The following PCDHA12 variants were observed in gnomAD, a reference collection of about 807,000 sequenced individuals.
PCDHA12 encodes protocadherin alpha 12, also known as protocadherin alpha-12.
PCDHA12 carries 44 observed loss-of-function variants against 60.0 expected under a neutral mutation model. The ratio of observed to expected loss-of-function variants is 0.73; its 90% CI spans 0.58 to 0.94. The LOEUF is 0.94. Among genes scored for constraint, PCDHA12 ranks in the 40% least tolerant of loss-of-function variants. PCDHA12 has a pLI of 0.00. For synonymous variants in PCDHA12, 569 were observed against 553.0 expected (o/e 1.03, Z -0.40); for missense variants, 1,276 against 1,239.7 (o/e 1.03, Z -0.44).
At chr5:140,879,047 A>G (rs931436432) in intron 1 of PCDHA12, among the ~76,000 whole-genome samples, 1 of 152,238 alleles carries the variant, frequency 6.6e-6, no homozygotes, top group African/African-American at 2.4e-5. Flanking sequence ...AAAGATAGAC[A>G]ACATTTTACC....
chr5:140,941,578 G>A (rs1007298745), intron 1 of PCDHA12, among the ~76,000 whole-genome samples: 3 of 151,774 alleles, frequency 2.0e-5, no homozygotes, highest in Non-Finnish European at 4.4e-5. Context: ...GCCTCCCAAA[G>A]TGCTGGGATT....
intron 1 of PCDHA12, among the ~76,000 whole-genome samples, chr5:140,893,506 A>G (rs2064024014): frequency 1.3e-5 from 2 of 152,170 alleles, no homozygotes; most frequent in African/African-American, 4.8e-5. Flanking sequence ...AGAAAAAAAA[A>G]GCAGTTGTAG....
intron 1 of PCDHA12, among the ~76,000 whole-genome samples, chr5:140,887,318 G>A (rs1485206878): frequency 6.6e-6 from 1 of 152,010 alleles, no homozygotes; most frequent in Non-Finnish European, 1.5e-5. Context: ...GGATAGTCTC[G>A]AACTCCTGAC....
chr5:140,882,156 A>C (rs1582595846), intron 1 of PCDHA12: 2 of 1,504,204 alleles, frequency 1.3e-6, no homozygotes, highest in Non-Finnish European at 1.8e-6. Flanking sequence ...AAAGCGGAAT[A>C]CCTCTTGCGA....
At chr5:140,915,137 C>T (rs2076999053) in intron 1 of PCDHA12, among the ~76,000 whole-genome samples, 3 of 151,800 alleles carry the variant, frequency 2.0e-5, no homozygotes, top group South Asian at 2.1e-4. Context: ...TTAGTAGAGA[C>T]GGGGTTTCAC....
At position 140,875,429 on chromosome 5, in the gene PCDHA12, C is replaced by T. The variant is rs781965482; in HGVS notation, c.-44C>T. ...CATAAAATACCTCAGGCAAGCGATCCCTTAAAACTGATTGTCCCAACTCAG... is the reference window on the plus strand; with the variant it reads ...CATAAAATACCTCAGGCAAGCGATCTCTTAAAACTGATTGTCCCAACTCAG... On this transcript the variant is annotated 5_prime_UTR_variant, in exon 1 of 4. Transcript: ENST00000398631. The T allele has an allele frequency of 1.9e-6, 3 of 1,551,972 alleles. No homozygotes were observed. In the Admixed American group the frequency reaches 6.1e-5, roughly 32 times the overall value.
At chr5:140,898,471 C>G (rs1421437999) in intron 1 of PCDHA12, among the ~76,000 whole-genome samples, 1 of 152,108 alleles carries the variant, frequency 6.6e-6, no homozygotes, top group African/African-American at 2.4e-5. Flanking sequence ...GCTTGTTTTT[C>G]TCAGGTTTGT....
At chr5:140,931,269 C>T (rs1253190149) in intron 1 of PCDHA12, among the ~76,000 whole-genome samples, 1 of 152,006 alleles carries the variant, frequency 6.6e-6, no homozygotes, top group Non-Finnish European at 1.5e-5. Context: ...CTATTTATTT[C>T]TTTTATTTTC....
chr5:140,899,069 A>G (rs1554188379), intron 1 of PCDHA12, among the ~76,000 whole-genome samples: 1 of 152,164 alleles, frequency 6.6e-6, no homozygotes, highest in Non-Finnish European at 1.5e-5. Flanking sequence ...GAAGTTGCTT[A>G]TCAGCTTAAG....
At chr5:140,900,177 A>G (rs1213706705) in intron 1 of PCDHA12, among the ~76,000 whole-genome samples, 1 of 152,194 alleles carries the variant, frequency 6.6e-6, no homozygotes, top group South Asian at 2.1e-4. Context: ...TGCCTGGTTT[A>G]TGTCACTTAT....
intron 1 of PCDHA12, among the ~76,000 whole-genome samples, chr5:140,917,117 C>T (rs1318149439): frequency 3.3e-5 from 5 of 152,018 alleles, no homozygotes; most frequent in South Asian, 2.1e-4. Flanking sequence ...CCTCCAAGTG[C>T]GCAGACTCCC....
intron 3 of PCDHA12, among the ~76,000 whole-genome samples, chr5:140,987,294 C>A (rs1406567852): frequency 6.6e-6 from 1 of 152,004 alleles, no homozygotes; most frequent in Non-Finnish European, 1.5e-5. Context: ...AACAAGCCTT[C>A]TATGTGATAC....
In PCDHA12 at chr5:140,875,773, G is replaced by C; in HGVS notation, c.301G>C (p.Glu101Gln). 1 of 1,614,268 alleles carries C rather than the reference G, an allele frequency of 6.2e-7. No individual in the cohort carries two copies. Among genetic ancestry groups the C allele is most frequent in the Non-Finnish European group, 8.5e-7 (1 of 1,180,058 alleles). ...DREKLCGRSA[E>Q]CSIHLEVIVD... ...CGAGAAGCTGTGCGGGCGGAGCGCG[G>C]AGTGCAGTATCCACCTGGAGGTGAT... is the stretch of plus-strand genomic sequence containing the variant. The change falls in exon 1 of 4, where the codon GAG becomes CAG. Residue 101 changes from glutamate (E) to glutamine (Q), a missense_variant. Coordinates refer to ENST00000398631, the MANE Select transcript of PCDHA12 (RefSeq NM_018903.4).
chr5:140,929,225 C>T (rs1249117880), intron 1 of PCDHA12: 2 of 1,613,724 alleles, frequency 1.2e-6, no homozygotes, highest in Non-Finnish European at 1.7e-6. Flanking sequence ...TACAATGCTG[C>T]CGACCTGCGA....
intron 1 of PCDHA12, chr5:140,929,227 G>T (rs141300036): frequency 1.2e-6 from 2 of 1,613,774 alleles, no homozygotes; most frequent in Non-Finnish European, 1.7e-6. Context: ...CAATGCTGCC[G>T]ACCTGCGAAA....
intron 1 of PCDHA12, among the ~76,000 whole-genome samples, chr5:140,975,576 C>G (rs1170899911): frequency 6.6e-6 from 1 of 152,208 alleles, no homozygotes; most frequent in Non-Finnish European, 1.5e-5. Flanking sequence ...TATATGCAGT[C>G]TCATGTCCCA....
intron 1 of PCDHA12, chr5:140,884,365 CT>C (rs1264541175): frequency 6.2e-7 from 1 of 1,613,846 alleles, no homozygotes; most frequent in Non-Finnish European, 8.5e-7. Context: ...TCAATGTTTA[CT>C]TGATCATTGC....
chr5:140,898,040 GT>G (rs1301370622), intron 1 of PCDHA12, among the ~76,000 whole-genome samples: 7 of 151,970 alleles, frequency 4.6e-5, no homozygotes, highest in Non-Finnish European at 8.8e-5. Flanking sequence ...GGGGTTGTTT[GT>G]TTTTTTCTTG....
intron 3 of PCDHA12, among the ~76,000 whole-genome samples, chr5:140,990,272 C>A (rs568200508): frequency 6.6e-6 from 1 of 152,196 alleles, no homozygotes; most frequent in African/African-American, 2.4e-5. Flanking sequence ...CAATGTACCC[C>A]GGGTCTTGAG....
Sources: gnomAD v4.1 joint callset for allele counts (sites outside exome capture counted in the v4.1 genomes callset) on GRCh38, gnomAD v4.1.1 for gene constraint, MANE v1.5 for transcripts, NCBI Gene and HGNC (gene_info 2026-07-23, HGNC 2026-07-21) for gene names.